Variants in GRM7 observed in about 807,000 individuals in gnomAD.
The protein encoded by GRM7 is metabotropic glutamate receptor 7.
Under a neutral mutation model 84.5 loss-of-function variants are expected in GRM7, and 35 were observed. That is an observed-to-expected ratio of 0.41 (90% CI 0.32 to 0.55). GRM7 has a LOEUF of 0.55. Among genes scored for constraint, GRM7 ranks in the 20% least tolerant of loss-of-function variants. The pLI, the probability that GRM7 is intolerant of heterozygous loss-of-function variation, is 0.19. For synonymous variants in GRM7, 487 were observed against 455.1 expected (o/e 1.07, Z -0.89); for missense variants, 1,003 against 1,194.6 (o/e 0.84, Z 2.36).
At position 7,294,721 on chromosome 3, in the gene GRM7, A is replaced by G. The variant is rs892837089; in HGVS notation, c.737-3963A>G. On this transcript the variant is annotated intron_variant, in intron 2 of 9. Transcript: ENST00000357716. ...CCTAGAGCAGCGTGGGCCCTAAGCT[A>G]GCAGCATCAGCATCACCTGGGAACC... Among the ~76,000 whole-genome samples the G allele has an allele frequency of 2.6e-5, 4 of 152,114 alleles. No individual in the cohort carries two copies. In the South Asian group the frequency reaches 6.2e-4, roughly 24 times the overall value.
chr3:7,079,084 A>T (rs1268013512), intron 1 of GRM7, among the ~76,000 whole-genome samples: 1 of 152,168 alleles, frequency 6.6e-6, no homozygotes, highest in African/African-American at 2.4e-5. Flanking sequence ...TAATATTAGT[A>T]GTAAAGTGAA....
At chr3:6,906,409 A>G (rs1369120949) in intron 1 of GRM7, among the ~76,000 whole-genome samples, 2 of 152,080 alleles carry the variant, frequency 1.3e-5, no homozygotes, top group African/African-American at 4.8e-5. Flanking sequence ...CATTATTTTT[A>G]ATATTCTTCA....
chr3:7,355,814 T>C (rs1693372016), intron 4 of GRM7, among the ~76,000 whole-genome samples: 1 of 152,042 alleles, frequency 6.6e-6, no homozygotes, highest in African/African-American at 2.4e-5. Context: ...ATGCCCACAG[T>C]TCTTATTCCT....
intron 1 of GRM7, among the ~76,000 whole-genome samples, chr3:6,867,166 T>A (rs1694963898): frequency 6.6e-6 from 1 of 152,238 alleles, no homozygotes. Flanking sequence ...ATTTTGAGTT[T>A]GATTTTAGCC....
At chr3:7,198,677 T>C (rs1235669236) in intron 2 of GRM7, among the ~76,000 whole-genome samples, 2 of 152,180 alleles carry the variant, frequency 1.3e-5, no homozygotes, top group Non-Finnish European at 2.9e-5. Flanking sequence ...TAATAAGGTG[T>C]TGAATAGCTT....
At chr3:7,349,848 G>A (rs564178836) in intron 4 of GRM7, among the ~76,000 whole-genome samples, 1 of 152,100 alleles carries the variant, frequency 6.6e-6, no homozygotes, top group South Asian at 2.1e-4. Flanking sequence ...TACTATATAT[G>A]GATTCATATA....
At chr3:7,101,227 G>A (rs577255588) in intron 1 of GRM7, among the ~76,000 whole-genome samples, 49 of 151,784 alleles carry the variant, frequency 3.2e-4, no homozygotes, top group South Asian at 8.3e-4. Flanking sequence ...CAGACAATCC[G>A]TGAGAGTTCC....
intron 1 of GRM7, among the ~76,000 whole-genome samples, chr3:6,929,696 A>G (rs997954210): frequency 4.6e-5 from 7 of 152,160 alleles, no homozygotes; most frequent in African/African-American, 1.7e-4. Context: ...TGGGGCCTAC[A>G]CCCAGCCCTG....
intron 1 of GRM7, among the ~76,000 whole-genome samples, chr3:6,892,257 A>G (rs540975472): frequency 1.2e-4 from 19 of 152,260 alleles, no homozygotes; most frequent in South Asian, 4.1e-4. Flanking sequence ...GGAAGCAAGG[A>G]CCTCAGAGAA....
chr3:7,343,561 T>G (rs1692746382), intron 4 of GRM7, among the ~76,000 whole-genome samples: 1 of 152,120 alleles, frequency 6.6e-6, no homozygotes, highest in South Asian at 2.1e-4. Flanking sequence ...CTTGATTTTT[T>G]TATTAAATTA....
intron 1 of GRM7, among the ~76,000 whole-genome samples, chr3:6,937,217 G>T (rs1575037189): frequency 6.6e-6 from 1 of 152,188 alleles, no homozygotes; most frequent in East Asian, 1.9e-4. Context: ...TCTTGCTGCT[G>T]CTTTGATTAA....
Position 7,009,083 on chromosome 3 carries a change from G to A in GRM7, c.520-137369G>A, listed in dbSNP as rs73025876. ...CAAAATTATCAATTCTTGCTGTCAC[G>A]GAGGCCTTTCTTTATCTCAAGACAA... On this transcript the variant is annotated intron_variant, in intron 1 of 9. Coordinates refer to ENST00000357716, the MANE Select transcript of GRM7 (RefSeq NM_000844.4). 9.1e-3 allele frequency among the ~76,000 whole-genome samples: 1,378 copies of A among 152,204 alleles called. 13 individuals carry two copies. The highest frequency in any genetic ancestry group is 0.012 in the Non-Finnish European group (813 of 68,004).
intron 9 of GRM7, among the ~76,000 whole-genome samples, chr3:7,703,968 A>G (rs377133169): frequency 5.9e-5 from 9 of 152,324 alleles, no homozygotes; most frequent in African/African-American, 2.2e-4. Context: ...CTTGCAGCCA[A>G]TTTCTAAACC....
intron 5 of GRM7, among the ~76,000 whole-genome samples, chr3:7,418,764 C>A (rs894109345): frequency 2.0e-5 from 3 of 152,148 alleles, no homozygotes; most frequent in African/African-American, 4.8e-5. Flanking sequence ...TTGAGGCCAT[C>A]TTGGGGTCAG....
At chr3:6,912,155 T>C (rs899655968) in intron 1 of GRM7, among the ~76,000 whole-genome samples, 1 of 152,186 alleles carries the variant, frequency 6.6e-6, no homozygotes, top group Non-Finnish European at 1.5e-5. Flanking sequence ...AGGACATTAA[T>C]TGATATCAAG....
In GRM7 at chr3:7,146,652, G is replaced by C; in HGVS notation, c.720G>C (p.Gln240His). The change falls in exon 2 of 10, where the codon CAG becomes CAC. Residue 240 changes from glutamine (Q) to histidine (H), a missense_variant. This residue lies in a region of GRM7 where 910 missense variants were observed against 1,126.0 expected (regional missense o/e 0.81). Coordinates refer to ENST00000357716, the MANE Select transcript of GRM7 (RefSeq NM_000844.4). ...AGAAAGGTGTGGAGTCCTTCACGCA[G>C]ATTTCCAAAGAGGCAGGTAGGATGA... ...YGEKGVESFTQISKEAGGLCI... is the reference protein window; with the variant it reads ...YGEKGVESFTHISKEAGGLCI... The C allele has an allele frequency of 1.2e-6, 2 of 1,612,204 alleles. No homozygotes were observed. The highest frequency in any genetic ancestry group is 1.7e-6 in the Non-Finnish European group (2 of 1,179,396).
chr3:7,511,296 A>G (rs1288332209), intron 7 of GRM7, among the ~76,000 whole-genome samples: 3 of 152,212 alleles, frequency 2.0e-5, no homozygotes, highest in Non-Finnish European at 4.4e-5. Flanking sequence ...TATTCATTAC[A>G]GTACTTGAAC....
At chr3:6,906,216 C>A (rs1050887727) in intron 1 of GRM7, among the ~76,000 whole-genome samples, 2 of 152,202 alleles carry the variant, frequency 1.3e-5, no homozygotes, top group African/African-American at 4.8e-5. Flanking sequence ...TGTATAATAT[C>A]GTTAGGATCT....
chr3:7,711,553 A>G lies in GRM7; in HGVS notation c.2699-28804A>G, dbSNP rs1701578357. 3.3e-5 allele frequency among the ~76,000 whole-genome samples: 5 copies of G among 152,202 alleles called. No homozygotes were observed. The South Asian group carries it at 1.0e-3, about 32-fold the overall frequency. On this transcript the variant is annotated intron_variant, in intron 9 of 9. Transcript: ENST00000357716. ...GGGAAGCCATTGGAGTCTCGTAATC[A>G]AGACTGTAACATGACCTAAGCCACC... is the stretch of plus-strand genomic sequence containing the variant.
Sources: gnomAD v4.1 joint callset for allele counts (sites outside exome capture counted in the v4.1 genomes callset) on GRCh38, gnomAD v4.1.1 for gene constraint, gnomAD v4.1.1 regional missense constraint, MANE v1.5 for transcripts, NCBI Gene and HGNC (gene_info 2026-07-23, HGNC 2026-07-21) for gene names.